The following KLHL4 variants were observed in gnomAD, a reference collection of about 807,000 sequenced individuals.
The protein encoded by KLHL4 is kelch-like protein 4.
Under a neutral mutation model 45.8 loss-of-function variants are expected in KLHL4, and 17 were observed. The ratio of observed to expected loss-of-function variants is 0.37; its 90% confidence interval spans 0.25 to 0.56. The LOEUF is 0.56. Ranked by LOEUF, KLHL4 falls within the 20% of genes least tolerant of loss-of-function variation. The pLI is 0.79. For synonymous variants in KLHL4, 224 were observed against 189.9 expected, an observed-to-expected ratio of 1.18 and a Z score of -1.47; for missense variants, 544 against 544.9, an observed-to-expected ratio of 1.00 and a Z score of 0.02.
intron 1 of KLHL4, among the ~76,000 whole-genome samples, chrX:87,606,454 A>C (rs762589547): frequency 2.7e-5 from 3 of 111,574 alleles, no homozygotes; most frequent in African/African-American, 9.8e-5. Context: ...TATTTGAAAA[A>C]CTAAACAAAA....
intron 1 of KLHL4, among the ~76,000 whole-genome samples, chrX:87,532,508 T>C (rs1423113903): frequency 9.4e-6 from 1 of 105,842 alleles, no homozygotes; most frequent in Non-Finnish European, 1.9e-5. Flanking sequence ...GCATTGAATC[T>C]ATAAATTACC....
chrX:87,536,235 A>G (rs1340211749), intron 1 of KLHL4, among the ~76,000 whole-genome samples: 4 of 111,505 alleles, frequency 3.6e-5, no homozygotes, highest in Non-Finnish European at 5.7e-5. Context: ...AAAATTAACC[A>G]ACAGTTACCC....
chrX:87,639,095 A>G (rs1229360052), intron 9 of KLHL4, among the ~76,000 whole-genome samples: 1 of 111,822 alleles, frequency 8.9e-6, no homozygotes, highest in Non-Finnish European at 1.9e-5. Flanking sequence ...GTTAAAAAAG[A>G]CAAAGAGGGA....
intron 9 of KLHL4, among the ~76,000 whole-genome samples, chrX:87,652,321 A>C (rs1000279087): frequency 2.7e-5 from 3 of 112,588 alleles, no homozygotes; most frequent in East Asian, 2.8e-4. Flanking sequence ...TTACTTAAGC[A>C]AATTTCTGCA....
intron 9 of KLHL4, among the ~76,000 whole-genome samples, chrX:87,646,137 A>T (rs1448833793): frequency 3.6e-5 from 4 of 111,645 alleles, no homozygotes; most frequent in Non-Finnish European, 5.7e-5. Context: ...AACCCCTTTT[A>T]CAATAGCTGC....
intron 8 of KLHL4, 78 bp downstream of exon 8, chrX:87,633,989 C>A (rs1348565121): frequency 2.5e-6 from 2 of 814,632 alleles, no homozygotes; most frequent in South Asian, 3.5e-5. Flanking sequence ...TCCATCCAAT[C>A]AATTAGCATT....
At chrX:87,539,240 C>T (rs976027199) in intron 1 of KLHL4, among the ~76,000 whole-genome samples, 4 of 110,951 alleles carry the variant, frequency 3.6e-5, no homozygotes, top group Non-Finnish European at 7.6e-5. Flanking sequence ...AGATTTTCAT[C>T]ATTTTGCAGT....
At chrX:87,564,247 T>C (rs1932162103) in intron 1 of KLHL4, among the ~76,000 whole-genome samples, 1 of 95,182 alleles carries the variant, frequency 1.1e-5, no homozygotes, top group Non-Finnish European at 2.0e-5. Flanking sequence ...TTTTAAGATA[T>C]ATGTATTATG....
At chrX:87,590,289 A>G (rs935215583) in intron 1 of KLHL4, among the ~76,000 whole-genome samples, 4 of 110,393 alleles carry the variant, frequency 3.6e-5, no homozygotes, top group Non-Finnish European at 7.6e-5. Flanking sequence ...AACATAAAAA[A>G]TAAAATCAGC....
intron 4 of KLHL4, 33 bp from the exon 5 acceptor site, chrX:87,622,178 G>T: frequency 9.8e-7 from 1 of 1,015,824 alleles, no homozygotes; most frequent in Middle Eastern, 2.6e-4. Context: ...TTTCTAAAGT[G>T]CAAAGTTTTA....
Position 87,615,235 on chromosome X carries a change from A to G in KLHL4, c.727+665A>G, listed in dbSNP as rs1191808468. ...TTGAAAAGCGATATGCTCTCCTTAC[A>G]TTTTTCCATTAATGACTAAAATATG... On this transcript the variant is annotated intron_variant, in intron 3 of 10. Coordinates refer to ENST00000373119, the MANE Select transcript of KLHL4 (RefSeq NM_019117.5). 3.6e-5 allele frequency among the ~76,000 whole-genome samples: 4 copies of G among 110,808 alleles called. No homozygotes were observed. In the East Asian group the frequency reaches 1.1e-3, roughly 31 times the overall value.
At chrX:87,605,220 C>T (rs1006711713) in intron 1 of KLHL4, among the ~76,000 whole-genome samples, 4 of 111,140 alleles carry the variant, frequency 3.6e-5, no homozygotes, top group African/African-American at 1.3e-4. Flanking sequence ...TCATTTTTTT[C>T]GCTCAGGATT....
At position 87,666,515 on chromosome X, in the gene KLHL4, T is replaced by C. The variant is rs894338905; in HGVS notation, c.2138T>C (p.Val713Ala). 4 of 1,195,455 alleles carry C rather than the reference T, an allele frequency of 3.3e-6. No homozygotes were observed. The highest frequency in any genetic ancestry group is 1.8e-5 in the South Asian group (1 of 55,310). The change falls in exon 11 of 11, where the codon GTA becomes GCA. Residue 713 changes from valine to alanine, a missense_variant. Transcript: ENST00000373119. ...VNIGRAGACV[V>A]VVKLP Reference sequence around the variant, plus strand: ...ATTGGAAGAGCTGGTGCATGTGTTGTAGTGGTGAAGCTACCCTAAAGCTAT... The same window carrying C: ...ATTGGAAGAGCTGGTGCATGTGTTGCAGTGGTGAAGCTACCCTAAAGCTAT...
chrX:87,615,444 A>C (rs1402330422), intron 3 of KLHL4, among the ~76,000 whole-genome samples: 2 of 111,238 alleles, frequency 1.8e-5, no homozygotes, highest in African/African-American at 6.5e-5. Flanking sequence ...AAAGTTAAAC[A>C]AAATAGTTAC....
At chrX:87,529,348 G>A (rs932269401) in intron 1 of KLHL4, among the ~76,000 whole-genome samples, 5 of 111,881 alleles carry the variant, frequency 4.5e-5, no homozygotes, top group Non-Finnish European at 7.5e-5. Context: ...CAATATTCTA[G>A]TGTAAAGGTT....
chrX:87,522,239 G>A (rs2147759948), intron 1 of KLHL4, among the ~76,000 whole-genome samples: 2 of 111,950 alleles, frequency 1.8e-5, no homozygotes, highest in Admixed American at 1.9e-4. Flanking sequence ...AATTTCATGG[G>A]ACCTGAGATG....
At chrX:87,521,543 A>C (rs752110377) in intron 1 of KLHL4, among the ~76,000 whole-genome samples, 4 of 111,601 alleles carry the variant, frequency 3.6e-5, no homozygotes, top group Non-Finnish European at 7.5e-5. Flanking sequence ...TAATATGAGA[A>C]AAATTAATTT....
rs186823302 is a variant in KLHL4, at chrX:87,533,671, T to A, written c.422+15356T>A. ...TATACATATGTAACTAACCTGCACA[T>A]TGTGCACATGTACCCTAAAACTTAA... On this transcript the variant is annotated intron_variant, in intron 1 of 10. Coordinates refer to ENST00000373119, the MANE Select transcript of KLHL4 (RefSeq NM_019117.5). Among the ~76,000 whole-genome samples, 376 of 108,893 alleles carry A rather than the reference T, an allele frequency of 3.5e-3. 1 individual carries two copies. Among genetic ancestry groups the A allele is most frequent in the African/African-American group, 0.012 (356 of 29,932 alleles). 94.6% of individuals were successfully genotyped at this position (108,893 alleles called of 115,157 possible).
At chrX:87,647,849 C>A (rs745968546) in intron 9 of KLHL4, among the ~76,000 whole-genome samples, 2 of 110,646 alleles carry the variant, frequency 1.8e-5, no homozygotes, top group Admixed American at 1.9e-4. Flanking sequence ...TCATTAAACA[C>A]CAATAGAAAT....
Sources: allele counts gnomAD v4.1 joint callset (sites outside exome capture counted in the v4.1 genomes callset), GRCh38; gene constraint gnomAD v4.1.1; transcripts MANE v1.5; gene names NCBI Gene and HGNC (gene_info 2026-07-23, HGNC 2026-07-21).